DGKB: variants seen among roughly 807,000 people sequenced by gnomAD.
DGKB encodes the protein diacylglycerol kinase beta.
Under a neutral mutation model 114.3 loss-of-function variants are expected in DGKB, and 67 were observed. The observed-to-expected ratio is 0.59, with a 90% CI of 0.48 to 0.72. The LOEUF is 0.72. DGKB is among the 30% of genes least tolerant of loss of function. The pLI is 0.00. For synonymous variants in DGKB, 398 were observed against 323.1 expected (o/e 1.23, Z -2.49); for missense variants, 907 against 975.2 (o/e 0.93, Z 0.93).
chr7:14,603,421 A>T (rs1803927622), intron 17 of DGKB, among the ~76,000 whole-genome samples: 1 of 152,122 alleles, frequency 6.6e-6, no homozygotes, highest in Non-Finnish European at 1.5e-5. Flanking sequence ...ATAATTTCAT[A>T]ACAAGAGGCA....
At chr7:14,330,520 G>T (rs758857840) in intron 23 of DGKB, among the ~76,000 whole-genome samples, 25 of 151,824 alleles carry the variant, frequency 1.6e-4, no homozygotes, top group Non-Finnish European at 2.8e-4. Context: ...ATTTAAAATG[G>T]CTTTGCAGTC....
rs563104213 is a variant in DGKB, at chr7:14,202,476, G to A, written c.2123-24325C>T. Among the ~76,000 whole-genome samples the A allele has an allele frequency of 6.6e-5, 10 of 152,086 alleles. No individual in the cohort carries two copies. In the East Asian group the frequency reaches 7.8e-4, roughly 12 times the overall value. ...CCACACTGTTGAAAACTCCTTTGCCGTGACTAACTCTTGTCAATCCTGACA... is the reference window on the plus strand; with the variant it reads ...CCACACTGTTGAAAACTCCTTTGCCATGACTAACTCTTGTCAATCCTGACA... On this transcript the variant is annotated intron_variant, in intron 23 of 25. Transcript: ENST00000402815.
At chr7:14,503,349 C>T (rs1334757714) in intron 20 of DGKB, among the ~76,000 whole-genome samples, 1 of 152,118 alleles carries the variant, frequency 6.6e-6, no homozygotes, top group Non-Finnish European at 1.5e-5. Flanking sequence ...CCCTGCCTAT[C>T]ACATTTTCCC....
rs1427850088 is a variant in DGKB, at chr7:14,516,707, T to C, written c.1771-38482A>G. Among the ~76,000 whole-genome samples, 6 of 152,160 alleles carry C rather than the reference T, an allele frequency of 3.9e-5. No individual in the cohort carries two copies. The East Asian group carries it at 1.2e-3, about 29-fold the overall frequency. On this transcript the variant is annotated intron_variant, in intron 20 of 25. Transcript: ENST00000402815. The stretch of plus-strand genomic sequence containing the variant: ...GTTGGTGTATGGGAATGCTACTAAT[T>C]TTTATACATTGATTTTGTATCCTGA...
intron 16 of DGKB, among the ~76,000 whole-genome samples, chr7:14,608,642 CT>C (rs1226814056): frequency 2.6e-5 from 4 of 151,942 alleles, no homozygotes; most frequent in Non-Finnish European, 5.9e-5. Flanking sequence ...AAATCAAGCT[CT>C]CTCTCTTCAT....
intron 23 of DGKB, among the ~76,000 whole-genome samples, chr7:14,244,600 G>A (rs557198549): frequency 2.6e-5 from 4 of 151,018 alleles, no homozygotes; most frequent in Admixed American, 1.3e-4. Context: ...AATCTGGGAG[G>A]CGCGGGTTGC....
intron 21 of DGKB, among the ~76,000 whole-genome samples, chr7:14,400,094 G>A (rs1822859487): frequency 6.6e-6 from 1 of 151,820 alleles, no homozygotes; most frequent in African/African-American, 2.4e-5. Flanking sequence ...AATCCATTTT[G>A]AAGCATCATA....
chr7:14,724,377 C>T lies in DGKB; in HGVS notation c.323-5692G>A, dbSNP rs888032936. 9.9e-5 allele frequency among the ~76,000 whole-genome samples: 15 copies of T among 151,930 alleles called. No homozygotes were observed. In the South Asian group the frequency reaches 2.1e-3, roughly 21 times the overall value. ...TTTCATTCTTTATGTTTACCCAAAC[C>T]GGCAGCAAAATTAGGTAGATGGCAT... On this transcript the variant is annotated intron_variant, in intron 5 of 25. Coordinates refer to ENST00000402815, the MANE Select transcript of DGKB (RefSeq NM_001350709.2).
At chr7:14,756,455 T>C (rs1834885189) in intron 3 of DGKB, among the ~76,000 whole-genome samples, 1 of 151,928 alleles carries the variant, frequency 6.6e-6, no homozygotes, top group Admixed American at 6.6e-5. Context: ...GGAACGGCTT[T>C]AAATAGCCTT....
chr7:14,605,869 T>C (rs1451863282), intron 17 of DGKB, among the ~76,000 whole-genome samples: 2 of 152,150 alleles, frequency 1.3e-5, no homozygotes, highest in Admixed American at 1.3e-4. Context: ...ATTTGCTTCA[T>C]AGGCATTATC....
At chr7:14,631,815 G>T (rs1053882206) in intron 13 of DGKB, among the ~76,000 whole-genome samples, 6 of 151,918 alleles carry the variant, frequency 3.9e-5, no homozygotes, top group African/African-American at 1.4e-4. Flanking sequence ...GCAAGACATG[G>T]ATATAGTCCT....
chr7:14,191,836 T>C (rs996669355), intron 23 of DGKB: 3 of 474,950 alleles, frequency 6.3e-6, no homozygotes, highest in African/African-American at 3.9e-5. Flanking sequence ...GTGACGGCTA[T>C]GTCCCTGTAC....
intron 1 of DGKB, among the ~76,000 whole-genome samples, chr7:14,910,262 GAAAGAAAGAAAGAAAGAAA>G (rs1783923061): frequency 8.6e-6 from 1 of 116,722 alleles, no homozygotes; most frequent in Admixed American, 9.5e-5. Context: ...AAGAAAGAAA[GAAAGAAAGAAAGAAAGAAA>G]GAAAGAAAGA....
At chr7:14,265,139 C>A (rs940347556) in intron 23 of DGKB, among the ~76,000 whole-genome samples, 38 of 87,380 alleles carry the variant, frequency 4.3e-4, no homozygotes, top group Admixed American at 6.7e-4. Context: ...ATCCGGAGAT[C>A]ATTTTTTTTT....
chr7:14,804,957 A>G (rs572607968), intron 2 of DGKB, among the ~76,000 whole-genome samples: 2 of 152,098 alleles, frequency 1.3e-5, no homozygotes, highest in South Asian at 4.2e-4. Context: ...TAGTCATTAT[A>G]TAATTATTAA....
intron 2 of DGKB, among the ~76,000 whole-genome samples, chr7:14,829,407 C>A (rs1846117923): frequency 1.3e-5 from 2 of 152,066 alleles, no homozygotes; most frequent in African/African-American, 2.4e-5. Flanking sequence ...AAGTCACACA[C>A]AAAGTATAAG....
chr7:14,360,862 T>C (rs1468608718), intron 21 of DGKB, among the ~76,000 whole-genome samples: 5 of 152,140 alleles, frequency 3.3e-5, no homozygotes, highest in Non-Finnish European at 5.9e-5. Flanking sequence ...GGCCAGTTAA[T>C]ACTTTTCAAT....
intron 4 of DGKB, among the ~76,000 whole-genome samples, chr7:14,741,890 A>G (rs944661186): frequency 6.6e-6 from 1 of 152,180 alleles, no homozygotes; most frequent in Non-Finnish European, 1.5e-5. Flanking sequence ...AAGTTAATTA[A>G]AAGTGGATAT....
intron 10 of DGKB, among the ~76,000 whole-genome samples, chr7:14,683,836 TCTC>T (rs1821234756): frequency 6.6e-6 from 1 of 152,048 alleles, no homozygotes; most frequent in Non-Finnish European, 1.5e-5. Context: ...TGTTTTCTCT[TCTC>T]CTCCGTATTA....
Sources: gnomAD v4.1 joint callset for allele counts (sites outside exome capture counted in the v4.1 genomes callset) on GRCh38, gnomAD v4.1.1 for gene constraint, MANE v1.5 for transcripts, NCBI Gene and HGNC (gene_info 2026-07-23, HGNC 2026-07-21) for gene names.